Variants in GRK5 observed in about 807,000 individuals in gnomAD.
GRK5 encodes G protein-coupled receptor kinase 5.
In GRK5, 40 loss-of-function variants were observed where a neutral mutation model predicts 78.4. The observed-to-expected ratio is 0.51, with a 90% confidence interval of 0.40 to 0.66. The LOEUF (loss-of-function observed/expected upper bound fraction) is 0.66, where lower values mean the gene tolerates loss of function less well. Ranked by LOEUF, GRK5 falls within the 30% of genes least tolerant of loss-of-function variation. The probability of loss-of-function intolerance (pLI) is 0.00; values close to 1 mark genes in which losing one functional copy is unlikely to be tolerated. For synonymous variants in GRK5, 289 were observed against 296.8 expected, an observed-to-expected ratio of 0.97 and a Z score of 0.27; for missense variants, 598 against 759.9, an observed-to-expected ratio of 0.79 and a Z score of 2.50.
At position 119,378,823 on chromosome 10, in the gene GRK5, C is replaced by T. The variant is rs1351024790; in HGVS notation, c.149-1992C>T. 6.6e-6 allele frequency among the ~76,000 whole-genome samples: 1 copy of T among 152,250 alleles called. No homozygotes were observed. Among genetic ancestry groups the T allele is most frequent in the Non-Finnish European group, 1.5e-5 (1 of 68,044 alleles). On this transcript the variant is annotated intron_variant, in intron 2 of 15. Transcript: ENST00000392870. The surrounding 1 kb of genome is among the most constrained non-coding windows in gnomAD (Gnocchi z 4.5). ...AAAGCCCTGGGAGGACTCCGGGGCC[C>T]CCACGGATCACAGGCCCTGACCTGA...
At chr10:119,335,203 C>T (rs1320655728) in intron 2 of GRK5, among the ~76,000 whole-genome samples, 1 of 117,084 alleles carries the variant, frequency 8.5e-6, no homozygotes, top group Non-Finnish European at 1.6e-5. Flanking sequence ...CCCACCTCCT[C>T]TTTCTTTCTT....
intron 1 of GRK5, among the ~76,000 whole-genome samples, chr10:119,281,608 G>A (rs1849764282): frequency 6.6e-6 from 1 of 152,158 alleles, no homozygotes; most frequent in Admixed American, 6.5e-5. Context: ...GGAGGGATCT[G>A]GCCGACCTCG....
At position 119,382,554 on chromosome 10, in the gene GRK5, A is replaced by T. The variant is rs570477290; in HGVS notation, c.261+1627A>T. ...CCAATCTTCTTTCATCCATTCCTCC[A>T]TCCTTTACTCTGTAACACTTTGTAG... is the stretch of plus-strand genomic sequence containing the variant. On this transcript the variant is annotated intron_variant, in intron 3 of 15. Coordinates refer to ENST00000392870, the MANE Select transcript of GRK5 (RefSeq NM_005308.3). 2.0e-5 allele frequency among the ~76,000 whole-genome samples: 3 copies of T among 152,220 alleles called. No homozygotes were observed. The East Asian group carries it at 5.8e-4, about 29-fold the overall frequency.
chr10:119,361,266 G>A (rs1851357869), intron 2 of GRK5, among the ~76,000 whole-genome samples: 2 of 152,212 alleles, frequency 1.3e-5, no homozygotes, highest in African/African-American at 4.8e-5. Context: ...GTGTCTGGGC[G>A]CCTGGTGCGG....
intron 2 of GRK5, among the ~76,000 whole-genome samples, chr10:119,371,222 C>G (rs913322383): frequency 2.0e-5 from 3 of 152,200 alleles, no homozygotes; most frequent in Non-Finnish European, 2.9e-5. Flanking sequence ...CCCCGCTCCC[C>G]GTCCCCAGGG....
intron 1 of GRK5, among the ~76,000 whole-genome samples, chr10:119,291,842 C>T (rs117823224): frequency 0.016 from 2,372 of 149,040 alleles, 58 homozygotes; most frequent in Admixed American, 0.04. Flanking sequence ...TCTTTATCCT[C>T]ATTCTCTTCC....
chr10:119,326,458 G>A, intron 1 of GRK5, 58 bp from the exon 2 acceptor site: 1 of 1,445,064 alleles, frequency 6.9e-7, no homozygotes, highest in Non-Finnish European at 9.7e-7. Flanking sequence ...CAGGCTCACT[G>A]CGGGGACGCC....
rs756631540 is a variant in GRK5 at position 119,455,072 on chromosome 10, G to A, written c.*5G>A. 100 of 1,609,044 alleles carry A rather than the reference G, an allele frequency of 6.2e-5. No individual in the cohort carries two copies. Among genetic ancestry groups the A allele is most frequent in the Non-Finnish European group, 6.4e-5 (75 of 1,175,554 alleles). On this transcript the variant is annotated 3_prime_UTR_variant, in exon 16 of 16. Coordinates refer to ENST00000392870, the MANE Select transcript of GRK5 (RefSeq NM_005308.3). ...AACTCCACCGGAAGCAGCTAGTTTC[G>A]GCTCTGGCCTCCAAGTCCACAGTGG...
intron 1 of GRK5, among the ~76,000 whole-genome samples, chr10:119,220,999 C>G (rs1429489143): frequency 6.6e-6 from 1 of 151,596 alleles, no homozygotes; most frequent in Admixed American, 6.6e-5. Context: ...ACTAAAAATA[C>G]AAAAAAATTA....
chr10:119,260,099 A>G (rs936074010), intron 1 of GRK5, among the ~76,000 whole-genome samples: 1 of 151,964 alleles, frequency 6.6e-6, no homozygotes, highest in Non-Finnish European at 1.5e-5. Flanking sequence ...TCCTGGGTTC[A>G]TGCCATTCTC....
intron 1 of GRK5, among the ~76,000 whole-genome samples, chr10:119,241,411 A>G (rs1454750937): frequency 6.6e-6 from 1 of 152,158 alleles, no homozygotes; most frequent in Non-Finnish European, 1.5e-5. Flanking sequence ...CAGGTTCAAT[A>G]AGACTTTGCC....
intron 1 of GRK5, among the ~76,000 whole-genome samples, chr10:119,288,065 C>T (rs1849887701): frequency 6.6e-6 from 1 of 152,224 alleles, no homozygotes; most frequent in Non-Finnish European, 1.5e-5. Flanking sequence ...TAGGGTTAGC[C>T]CAGAGCGGGG....
At position 119,271,938 on chromosome 10, in the gene GRK5, CT is replaced by C. The variant is rs1465959636; in HGVS notation, c.53-54576del. Among the ~76,000 whole-genome samples, 2 of 152,190 alleles carry C rather than the reference CT, an allele frequency of 1.3e-5. No individual in the cohort carries two copies. Among genetic ancestry groups the C allele is most frequent in the East Asian group, 3.8e-4 (2 of 5,196 alleles). ...TTTGGCATGATGCCTACTCTTATTC[CT>C]TGTCTGTGGGGCCCTGTTTTGTGGG... is the stretch of plus-strand genomic sequence containing the variant. On this transcript the variant is annotated intron_variant, in intron 1 of 15. Coordinates refer to ENST00000392870, the MANE Select transcript of GRK5 (RefSeq NM_005308.3). This position sits in a 1 kb window ranked among gnomAD's most constrained non-coding sequence, Gnocchi z 4.1.
chr10:119,454,427 C>T (rs142000245), intron 15 of GRK5, among the ~76,000 whole-genome samples: 13 of 152,308 alleles, frequency 8.5e-5, no homozygotes, highest in Non-Finnish European at 1.5e-4. Flanking sequence ...GTGAAGCAAA[C>T]GCTTCTTGCC....
chr10:119,370,479 G>T (rs994631716), intron 2 of GRK5, among the ~76,000 whole-genome samples: 1 of 152,226 alleles, frequency 6.6e-6, no homozygotes, highest in Admixed American at 6.5e-5. Context: ...CACACCATAT[G>T]TCATTTTTTA....
At chr10:119,214,605 G>C (rs371160263) in intron 1 of GRK5, among the ~76,000 whole-genome samples, 10 of 151,752 alleles carry the variant, frequency 6.6e-5, no homozygotes, top group African/African-American at 2.2e-4. Context: ...CTGCAACTTC[G>C]ACCTCCTGGG....
intron 1 of GRK5, among the ~76,000 whole-genome samples, chr10:119,225,302 A>T (rs910444409): frequency 2.6e-5 from 4 of 152,254 alleles, no homozygotes; most frequent in African/African-American, 9.6e-5. Flanking sequence ...AATACACAGT[A>T]CTTCATCTGG....
chr10:119,356,365 A>G (rs756127640), intron 2 of GRK5, among the ~76,000 whole-genome samples: 2 of 152,212 alleles, frequency 1.3e-5, no homozygotes, highest in Non-Finnish European at 2.9e-5. Context: ...GGGAATCTGG[A>G]GCATAGAGTA....
At chr10:119,261,021 G>C (rs1223012829) in intron 1 of GRK5, among the ~76,000 whole-genome samples, 2 of 145,872 alleles carry the variant, frequency 1.4e-5, no homozygotes, top group Non-Finnish European at 3.1e-5. Context: ...CGGGGCGGCT[G>C]GCCGGGCAGG....
Sources: allele counts gnomAD v4.1 joint callset (sites outside exome capture counted in the v4.1 genomes callset), GRCh38; gene constraint gnomAD v4.1.1; non-coding constraint Gnocchi (gnomAD v3.1); transcripts MANE v1.5; gene names NCBI Gene and HGNC (gene_info 2026-07-23, HGNC 2026-07-21).